The following GABRA3 variants were observed in gnomAD, a reference collection of about 807,000 sequenced individuals.
GABRA3 encodes gamma-aminobutyric acid type A receptor subunit alpha3, also known as gamma-aminobutyric acid receptor subunit alpha-3.
A neutral mutation model predicts 30.1 loss-of-function variants in GABRA3; 10 were observed. The ratio of observed to expected loss-of-function variants is 0.33; its 90% confidence interval spans 0.20 to 0.56. The LOEUF (loss-of-function observed/expected upper bound fraction) is 0.56, where lower values mean the gene tolerates loss of function less well. Ranked by LOEUF, GABRA3 falls within the 20% of genes least tolerant of loss-of-function variation. The pLI is 0.89. For missense variants in GABRA3, 233 were observed against 392.0 expected (o/e 0.59, Z 3.42); for synonymous variants, 151 against 146.8 (o/e 1.03, Z -0.21).
At chrX:152,437,793 A>G (rs1369378138) in intron 1 of GABRA3, among the ~76,000 whole-genome samples, 2 of 112,301 alleles carry the variant, frequency 1.8e-5, no homozygotes, top group African/African-American at 6.5e-5. Context: ...ATGGTGCTGG[A>G]ATAACTGGTC....
At chrX:152,196,986 C>G (rs1463393826) in intron 8 of GABRA3, among the ~76,000 whole-genome samples, 1 of 112,087 alleles carries the variant, frequency 8.9e-6, no homozygotes, top group Non-Finnish European at 1.9e-5. Context: ...GCCATGGAGG[C>G]CAGTTTAGTA....
chrX:152,278,905 C>A (rs1244984256), intron 4 of GABRA3, among the ~76,000 whole-genome samples: 4 of 112,057 alleles, frequency 3.6e-5, no homozygotes, highest in Non-Finnish European at 7.5e-5. Flanking sequence ...GCATAAATGT[C>A]TTCTTTTGAG....
intron 3 of GABRA3, among the ~76,000 whole-genome samples, chrX:152,337,413 T>C (rs1940249756): frequency 9.0e-6 from 1 of 111,722 alleles, no homozygotes; most frequent in Admixed American, 9.5e-5. Flanking sequence ...TCTAACTCCA[T>C]GGGATCCACT....
intron 3 of GABRA3, among the ~76,000 whole-genome samples, chrX:152,323,927 C>T (rs1940011090): frequency 8.9e-6 from 1 of 112,019 alleles, no homozygotes. Context: ...GAAACTAGCC[C>T]TTTGTCTCAT....
At chrX:152,298,616 G>C (rs1243638776) in intron 3 of GABRA3, among the ~76,000 whole-genome samples, 1 of 110,668 alleles carries the variant, frequency 9.0e-6, no homozygotes, top group Non-Finnish European at 1.9e-5. Context: ...TCTTAATCCA[G>C]TCTATCATTG....
chrX:152,216,155 T>C (rs765258330), intron 6 of GABRA3, among the ~76,000 whole-genome samples: 1 of 110,722 alleles, frequency 9.0e-6, no homozygotes, highest in South Asian at 3.8e-4. Flanking sequence ...TGCAAATTGG[T>C]ACTGCCAGTA....
At chrX:152,185,352 T>C (rs988742197) in intron 9 of GABRA3, among the ~76,000 whole-genome samples, 2 of 111,601 alleles carry the variant, frequency 1.8e-5, no homozygotes, top group South Asian at 3.8e-4. Flanking sequence ...GATCACTATC[T>C]TTGCAAAATA....
intron 3 of GABRA3, among the ~76,000 whole-genome samples, chrX:152,327,286 G>A (rs1477559452): frequency 9.0e-6 from 1 of 110,885 alleles, no homozygotes; most frequent in Non-Finnish European, 1.9e-5. Flanking sequence ...ACATTAGACA[G>A]ATCAACGAGA....
chrX:152,423,701 T>A (rs979297981), intron 1 of GABRA3, among the ~76,000 whole-genome samples: 5 of 111,023 alleles, frequency 4.5e-5, no homozygotes, highest in African/African-American at 1.6e-4. Flanking sequence ...CAGACTAGGG[T>A]TTAGAAGAAA....
chrX:152,421,168 G>A (rs1022502720), intron 1 of GABRA3, among the ~76,000 whole-genome samples: 2 of 107,850 alleles, frequency 1.9e-5, no homozygotes, highest in Non-Finnish European at 3.8e-5. Context: ...TATACCTTTC[G>A]TTATATAGGT....
chrX:152,435,149 T>G (rs1930745647), intron 1 of GABRA3, among the ~76,000 whole-genome samples: 1 of 112,067 alleles, frequency 8.9e-6, no homozygotes, highest in Admixed American at 9.5e-5. Context: ...TACTCATCTG[T>G]GTAGAAATTA....
chrX:152,280,213 C>A (rs1305004534), intron 4 of GABRA3, among the ~76,000 whole-genome samples: 1 of 111,235 alleles, frequency 9.0e-6, no homozygotes, highest in Non-Finnish European at 1.9e-5. Flanking sequence ...TCCTGGCTCT[C>A]TATGTTACGT....
At chrX:152,377,367 A>C (rs1191661969) in intron 1 of GABRA3, among the ~76,000 whole-genome samples, 3 of 111,609 alleles carry the variant, frequency 2.7e-5, no homozygotes, top group East Asian at 2.8e-4. Context: ...ATCGGGTGTT[A>C]ATGTAAATTA....
chrX:152,392,264 C>A (rs1244385713), intron 1 of GABRA3: 3 of 386,793 alleles, frequency 7.8e-6, no homozygotes, highest in East Asian at 1.5e-4. Context: ...CATGAGCAGC[C>A]ACCACAGGAG....
chrX:152,436,489 C>T (rs746236084), intron 1 of GABRA3, among the ~76,000 whole-genome samples: 1 of 111,272 alleles, frequency 9.0e-6, no homozygotes, highest in East Asian at 2.8e-4. Flanking sequence ...AGTTGGGAAC[C>T]ACTGAATTAT....
intron 5 of GABRA3, among the ~76,000 whole-genome samples, chrX:152,241,631 A>C (rs1005211480): frequency 9.2e-6 from 1 of 109,176 alleles, no homozygotes; most frequent in African/African-American, 3.3e-5. Context: ...GTTTGATCTC[A>C]GACTGCTGTG....
intron 1 of GABRA3, among the ~76,000 whole-genome samples, chrX:152,367,453 C>A (rs1172247209): frequency 2.7e-5 from 3 of 111,639 alleles, no homozygotes; most frequent in African/African-American, 9.8e-5. Context: ...GATTACCAAC[C>A]AATTCACCCT....
chrX:152,281,288 C>G (rs1010663594), intron 4 of GABRA3, among the ~76,000 whole-genome samples: 1 of 111,568 alleles, frequency 9.0e-6, no homozygotes, highest in East Asian at 2.8e-4. Flanking sequence ...ATGGTCTAAA[C>G]TCTCCTAATA....
In GABRA3 at chrX:152,382,856, C is replaced by T. The variant is rs541084826; in HGVS notation, c.-26-18260G>A. Among the ~76,000 whole-genome samples, 58 of 111,657 alleles carry T rather than the reference C, an allele frequency of 5.2e-4. 1 individual carries two copies. The South Asian group carries it at 0.022, about 42-fold the overall frequency. On this transcript the variant is annotated intron_variant, in intron 1 of 9. Transcript: ENST00000370314. Reference sequence around the variant, plus strand: ...ACATATGGGCTTATTTCTGGGCTTCCTATCCTGTTCCATTGGTTGATGTGT... The same window carrying T: ...ACATATGGGCTTATTTCTGGGCTTCTTATCCTGTTCCATTGGTTGATGTGT...
Sources: gnomAD v4.1 joint callset for allele counts (sites outside exome capture counted in the v4.1 genomes callset) on GRCh38, gnomAD v4.1.1 for gene constraint, MANE v1.5 for transcripts, NCBI Gene and HGNC (gene_info 2026-07-23, HGNC 2026-07-21) for gene names.